Variants in TENM2 observed in about 807,000 individuals in gnomAD.
TENM2 encodes teneurin transmembrane protein 2.
A neutral mutation model predicts 245.2 loss-of-function variants in TENM2; 52 were observed. The observed-to-expected ratio is 0.21, with a 90% confidence interval of 0.17 to 0.27. The LOEUF is 0.27. Among genes scored for constraint, TENM2 ranks in the 10% least tolerant of loss-of-function variants. TENM2 has a pLI of 1.00. For synonymous variants in TENM2, 1,363 were observed against 1,438.9 expected, an observed-to-expected ratio of 0.95 and a Z score of 1.19; for missense variants, 3,046 against 3,666.8, an observed-to-expected ratio of 0.83 and a Z score of 4.37.
At chr5:167,653,106 C>A (rs960914543) in intron 2 of TENM2, 1 of 152,002 alleles carries the variant, frequency 6.6e-6, no homozygotes, top group South Asian at 2.1e-4. Flanking sequence ...GCTAACAATA[C>A]AAACGTGAAA....
chr5:167,141,143 G>A, the TENM2 span, among the ~76,000 whole-genome samples: 67 of 152,182 alleles, frequency 4.4e-4, 1 homozygote, highest in Admixed American at 1.3e-4. Context: ...ATGTGATTAG[G>A]AGGGAAGGGG....
At chr5:168,172,584 C>A (rs1758944372) in intron 13 of TENM2, among the ~76,000 whole-genome samples, 1 of 152,218 alleles carries the variant, frequency 6.6e-6, no homozygotes, top group Non-Finnish European at 1.5e-5. Flanking sequence ...CTGGGCCCCT[C>A]ACAGCACCTG....
intron 2 of TENM2, among the ~76,000 whole-genome samples, chr5:167,471,711 G>A (rs1471850326): frequency 6.6e-6 from 1 of 152,198 alleles, no homozygotes; most frequent in Non-Finnish European, 1.5e-5. Flanking sequence ...CACAGCTCTT[G>A]TTAGACAGGT....
At chr5:167,187,294 A>G in the TENM2 span, among the ~76,000 whole-genome samples, 2 of 152,166 alleles carry the variant, frequency 1.3e-5, no homozygotes, top group East Asian at 3.9e-4. Flanking sequence ...GCCATGGCAA[A>G]AGGGAAGACA....
At chr5:167,452,514 T>C (rs72829366) in intron 2 of TENM2, among the ~76,000 whole-genome samples, 160 of 152,248 alleles carry the variant, frequency 1.1e-3, no homozygotes, top group Non-Finnish European at 1.9e-3. Context: ...GCCATAGTTT[T>C]CCATTGCATC....
At chr5:167,686,923 CAGG>C (rs1757111288) in intron 2 of TENM2, among the ~76,000 whole-genome samples, 1 of 152,090 alleles carries the variant, frequency 6.6e-6, no homozygotes, top group South Asian at 2.1e-4. Flanking sequence ...TGTTGAAATC[CAGG>C]AGGAGAGAGG....
chr5:167,773,513 A>C (rs1048465737), intron 2 of TENM2, among the ~76,000 whole-genome samples: 13 of 152,164 alleles, frequency 8.5e-5, no homozygotes, highest in African/African-American at 3.1e-4. Flanking sequence ...GTTACAATTG[A>C]GAATTCTTAG....
chr5:167,067,739 A>G, the TENM2 span, among the ~76,000 whole-genome samples: 1 of 152,160 alleles, frequency 6.6e-6, no homozygotes, highest in East Asian at 1.9e-4. Context: ...CATACACTCG[A>G]CAGTTCTCTA....
intron 2 of TENM2, among the ~76,000 whole-genome samples, chr5:167,803,945 C>G (rs1293472967): frequency 4.6e-5 from 7 of 152,022 alleles, no homozygotes; most frequent in African/African-American, 1.7e-4. Flanking sequence ...GGTTGAGCAT[C>G]CTGAATCTGA....
At chr5:166,988,483 G>A in the TENM2 span, among the ~76,000 whole-genome samples, 1 of 152,256 alleles carries the variant, frequency 6.6e-6, no homozygotes, top group Non-Finnish European at 1.5e-5. Flanking sequence ...CAGATTGCAG[G>A]ATCTCTTAAT....
At chr5:167,042,287 G>A in the TENM2 span, among the ~76,000 whole-genome samples, 2 of 152,056 alleles carry the variant, frequency 1.3e-5, no homozygotes, top group Non-Finnish European at 2.9e-5. Flanking sequence ...CGTTATTTAA[G>A]CAAGTTTTCT....
chr5:167,169,623 G>A, the TENM2 span, among the ~76,000 whole-genome samples: 12 of 152,196 alleles, frequency 7.9e-5, no homozygotes, highest in Non-Finnish European at 1.2e-4. Flanking sequence ...ACCATAGTAA[G>A]CACTCAATAA....
chr5:167,180,926 C>A, the TENM2 span, among the ~76,000 whole-genome samples: 2 of 150,624 alleles, frequency 1.3e-5, no homozygotes, highest in African/African-American at 4.9e-5. Flanking sequence ...AAGGCAGGCA[C>A]GCTGGCTGTA....
chr5:167,395,021 T>TA (rs1368605323), intron 2 of TENM2, among the ~76,000 whole-genome samples: 1 of 152,168 alleles, frequency 6.6e-6, no homozygotes, highest in Non-Finnish European at 1.5e-5. Flanking sequence ...TCTATTTCTT[T>TA]AAAAAATGTC....
the TENM2 span, among the ~76,000 whole-genome samples, chr5:167,004,162 C>T: frequency 3.3e-5 from 5 of 152,068 alleles, no homozygotes; most frequent in Non-Finnish European, 7.4e-5. Context: ...CATAATAGAT[C>T]CAGTTTGTTG....
the TENM2 span, among the ~76,000 whole-genome samples, chr5:167,000,686 G>C: frequency 1.3e-5 from 2 of 152,090 alleles, no homozygotes; most frequent in Non-Finnish European, 2.9e-5. Flanking sequence ...CTAAAACCAT[G>C]TTTTTACACA....
At chr5:167,782,112 G>A (rs749378621) in intron 2 of TENM2, among the ~76,000 whole-genome samples, 8 of 151,816 alleles carry the variant, frequency 5.3e-5, no homozygotes, top group African/African-American at 9.7e-5. Flanking sequence ...TTGGGAGTTC[G>A]AGACCAGCCT....
chr5:167,016,936 G>A, the TENM2 span, among the ~76,000 whole-genome samples: 2 of 152,164 alleles, frequency 1.3e-5, no homozygotes, highest in Non-Finnish European at 2.9e-5. Context: ...TAACCCTTTA[G>A]TCAAATTGCA....
the TENM2 span, among the ~76,000 whole-genome samples, chr5:167,004,497 G>A: frequency 4.3e-4 from 66 of 152,160 alleles, no homozygotes; most frequent in Middle Eastern, 3.4e-3. Context: ...TTTTATTTCA[G>A]GCAGAAAGAA....
Sources: allele counts gnomAD v4.1 joint callset (sites outside exome capture counted in the v4.1 genomes callset), GRCh38; gene constraint gnomAD v4.1.1; transcripts MANE v1.5; gene names NCBI Gene and HGNC (gene_info 2026-07-23, HGNC 2026-07-21).